The following KANK1 variants were observed in gnomAD, a reference collection of about 807,000 sequenced individuals.
KANK1 encodes the protein KN motif and ankyrin repeat domains 1, also known as KN motif and ankyrin repeat domain-containing protein 1.
KANK1 carries 109 observed loss-of-function variants against 106.2 expected under a neutral mutation model. That is an observed-to-expected ratio of 1.03 (90% CI 0.88 to 1.20). The LOEUF (loss-of-function observed/expected upper bound fraction) is 1.20. KANK1 is among the 50% of genes most tolerant of loss of function. The probability of loss-of-function intolerance (pLI) is 0.00; values close to 1 mark genes in which losing one functional copy is unlikely to be tolerated. For synonymous variants in KANK1, 873 were observed against 652.2 expected (o/e 1.34, Z -5.16); for missense variants, 2,399 against 1,710.7 (o/e 1.40, Z -7.10).
chr9:569,289 T>A (rs1449684562), intron 1 of KANK1, among the ~76,000 whole-genome samples: 1 of 152,184 alleles, frequency 6.6e-6, no homozygotes, highest in Non-Finnish European at 1.5e-5. Context: ...ATGTCCCATG[T>A]GAATCTCATG....
chr9:719,441 A>G (rs763808052), intron 3 of KANK1, among the ~76,000 whole-genome samples: 3 of 152,196 alleles, frequency 2.0e-5, no homozygotes, highest in Non-Finnish European at 4.4e-5. Flanking sequence ...TCAGAATGTC[A>G]AGCTGAAAAT....
rs1823222056 is a variant in KANK1 at position 585,434 on chromosome 9, AAGCTCCTTGTATC to A, written c.-84+80684_-84+80696del. ...ATGGTCTACCCATTGATGATGGAACAAGCTCCTTGTATCAGCCTCAAATAAAAATGATGGAATT... is the reference window on the plus strand; with the variant it reads ...ATGGTCTACCCATTGATGATGGAACAAGCCTCAAATAAAAATGATGGAATT... On this transcript the variant is annotated intron_variant, in intron 1 of 11. Coordinates refer to ENST00000382297, the MANE Select transcript of KANK1 (RefSeq NM_015158.5). 2.0e-5 allele frequency among the ~76,000 whole-genome samples: 3 copies of A among 152,342 alleles called. No individual in the cohort carries two copies. In the South Asian group the frequency reaches 6.2e-4, roughly 32 times the overall value.
intron 1 of KANK1, among the ~76,000 whole-genome samples, chr9:661,738 C>T (rs990947198): frequency 1.3e-5 from 2 of 152,148 alleles, no homozygotes; most frequent in African/African-American, 4.8e-5. Flanking sequence ...TACACTCCCA[C>T]CAACTGTGTA....
chr9:495,244 C>T (rs2058439264), intron 3 of KANK1: 1 of 152,232 alleles, frequency 6.6e-6, no homozygotes, highest in Admixed American at 6.5e-5. Flanking sequence ...TCAGCATTCT[C>T]CTCCCCTCCT....
intron 9 of KANK1, 58 bp downstream of exon 9, chr9:740,992 C>T (rs1236251948): frequency 6.9e-6 from 11 of 1,588,938 alleles, no homozygotes; most frequent in African/African-American, 2.7e-5. Context: ...GACAGGACTG[C>T]GGTGGCCATT....
chr9:738,581 C>A, intron 8 of KANK1, 77 bp downstream of exon 8: 2 of 1,151,630 alleles, frequency 1.7e-6, no homozygotes, highest in South Asian at 1.3e-5. Context: ...CCTGGTTGAG[C>A]CACTCCTGAA....
intron 1 of KANK1, among the ~76,000 whole-genome samples, chr9:567,682 TC>T (rs1236120860): frequency 2.0e-5 from 3 of 152,224 alleles, no homozygotes; most frequent in Non-Finnish European, 4.4e-5. Context: ...AACCAAGTCA[TC>T]CATGAGAATG....
intron 1 of KANK1, among the ~76,000 whole-genome samples, chr9:627,167 C>G (rs1016241588): frequency 3.3e-5 from 5 of 152,166 alleles, no homozygotes; most frequent in East Asian, 1.9e-4. Context: ...AGATTGTGCC[C>G]TAGATCCTCC....
intron 3 of KANK1, among the ~76,000 whole-genome samples, chr9:479,080 T>C (rs941705452): frequency 6.6e-6 from 1 of 152,144 alleles, no homozygotes; most frequent in Admixed American, 6.6e-5. Context: ...ATTTTTAAAA[T>C]ACTTCTCTTT....
At chr9:738,236 C>T in intron 7 of KANK1, 49 bp from the exon 8 acceptor site, 1 of 1,491,104 alleles carries the variant, frequency 6.7e-7, no homozygotes, top group Non-Finnish European at 9.2e-7. Context: ...AACTAGGTCT[C>T]AGAAAGTCTA....
chr9:696,353 C>T (rs1457534210), intron 2 of KANK1, among the ~76,000 whole-genome samples: 1 of 151,894 alleles, frequency 6.6e-6, no homozygotes, highest in Non-Finnish European at 1.5e-5. Context: ...GAAACACAGG[C>T]ATGTGCTTGC....
At chr9:590,065 G>A (rs540406438) in intron 1 of KANK1, among the ~76,000 whole-genome samples, 2 of 152,008 alleles carry the variant, frequency 1.3e-5, no homozygotes, top group Non-Finnish European at 2.9e-5. Context: ...GAGGAGTGAG[G>A]AAAAAAACGG....
chr9:530,891 G>C (rs1219140866), intron 1 of KANK1, among the ~76,000 whole-genome samples: 1 of 152,166 alleles, frequency 6.6e-6, no homozygotes, highest in South Asian at 2.1e-4. Context: ...GGCAGGCTGA[G>C]GCTGCAGTGA....
intron 1 of KANK1, among the ~76,000 whole-genome samples, chr9:658,840 C>G (rs1277849802): frequency 2.6e-5 from 4 of 152,072 alleles, no homozygotes; most frequent in Non-Finnish European, 5.9e-5. Flanking sequence ...TTCCTGGGAC[C>G]ATTTTTACCT....
chr9:669,517 G>GT (rs1845426860), intron 1 of KANK1, among the ~76,000 whole-genome samples: 1 of 131,768 alleles, frequency 7.6e-6, no homozygotes, highest in African/African-American at 2.6e-5. Context: ...GGTTTTTTGG[G>GT]GTTTTTTCTT....
chr9:689,530 G>GT (rs1819377275), intron 2 of KANK1, among the ~76,000 whole-genome samples: 1 of 152,074 alleles, frequency 6.6e-6, no homozygotes, highest in Non-Finnish European at 1.5e-5. Context: ...GACCCAACAT[G>GT]GTGCACACCT....
chr9:538,651 G>A (rs2060431473), intron 1 of KANK1, among the ~76,000 whole-genome samples: 1 of 152,162 alleles, frequency 6.6e-6, no homozygotes, highest in Admixed American at 6.5e-5. Context: ...TGTTTGCTTA[G>A]TTATTTGTTT....
At chr9:612,653 T>G (rs58526978) in intron 1 of KANK1, among the ~76,000 whole-genome samples, 9,739 of 152,206 alleles carry the variant, frequency 0.064, 999 homozygotes, top group African/African-American at 0.22. Context: ...ACAGGATTTG[T>G]GGGATGAGAA....
chr9:659,508 C>A (rs894567826), intron 1 of KANK1, among the ~76,000 whole-genome samples: 1 of 152,128 alleles, frequency 6.6e-6, no homozygotes, highest in African/African-American at 2.4e-5. Context: ...ACTTTGAGAA[C>A]TGTATTAGTC....
Sources: allele counts gnomAD v4.1 joint callset (sites outside exome capture counted in the v4.1 genomes callset), GRCh38; gene constraint gnomAD v4.1.1; transcripts MANE v1.5; gene names NCBI Gene and HGNC (gene_info 2026-07-23, HGNC 2026-07-21).